Variants in NAA15 observed in about 807,000 individuals in gnomAD.
The protein encoded by NAA15 is N-terminal acetyltransferase.
NAA15 carries 34 observed loss-of-function variants against 114.0 expected under a neutral mutation model. The observed-to-expected ratio is 0.30, with a 90% confidence interval of 0.23 to 0.40. The LOEUF (loss-of-function observed/expected upper bound fraction) is 0.40, where lower values mean the gene tolerates loss of function less well. Ranked by LOEUF, NAA15 falls within the 10% of genes least tolerant of loss-of-function variation. NAA15 has a pLI of 1.00. For missense variants in NAA15, 658 were observed against 1,004.5 expected (o/e 0.66, Z 4.66); for synonymous variants, 340 against 338.0 (o/e 1.01, Z -0.06).
chr4:139,340,898 A>G lies in NAA15; in HGVS notation c.245-14A>G, dbSNP rs772529563. 1 of 1,532,544 alleles carries G rather than the reference A, an allele frequency of 6.5e-7. No homozygotes were observed. The allele number at this position is 1,532,544 out of a possible 1,614,324, so 94.9% of individuals were successfully genotyped here. A position where few individuals can be genotyped will look rare whatever the true frequency, so the allele number is the denominator to read the frequency against. On this transcript the variant is annotated splice_polypyrimidine_tract_variant and intron_variant, in intron 3 of 19. Coordinates refer to ENST00000296543, the MANE Select transcript of NAA15 (RefSeq NM_057175.5). ...TTTTGACTTGTAGGTTGTACCCTTAACTAAATTCTTTAGGTTGGCACGTTT... is the reference window on the plus strand; with the variant it reads ...TTTTGACTTGTAGGTTGTACCCTTAGCTAAATTCTTTAGGTTGGCACGTTT...
rs1374739103 is a variant in NAA15 at position 139,384,938 on chromosome 4, T to C, written c.2262T>C (p.Phe754=). The C allele has an allele frequency of 6.4e-7, 1 of 1,570,932 alleles. No homozygotes were observed. The highest frequency in any genetic ancestry group is 2.3e-5 in the East Asian group (1 of 43,128). ...ATNPKNFNET[F]LKRNSDSLPH... is the part of the protein sequence containing the mutation. Reference sequence around the variant, plus strand: ...ATCCAAAGAATTTTAATGAAACTTTTCTGAAAAGGAATTCTGATTCATTGC... The same window carrying C: ...ATCCAAAGAATTTTAATGAAACTTTCCTGAAAAGGAATTCTGATTCATTGC... Residue 754 remains phenylalanine (F), a synonymous_variant, in exon 18 of 20, where the codon TTT becomes TTC. Transcript: ENST00000296543.
chr4:139,371,069 A>G (rs1430227117), intron 15 of NAA15, among the ~76,000 whole-genome samples: 4 of 152,204 alleles, frequency 2.6e-5, no homozygotes, highest in Admixed American at 2.6e-4. Context: ...GACCCTAGAC[A>G]TCTTCCTGCT....
intron 19 of NAA15, among the ~76,000 whole-genome samples, chr4:139,387,311 A>G (rs919650352): frequency 3.3e-5 from 5 of 152,248 alleles, no homozygotes; most frequent in Admixed American, 6.5e-5. Flanking sequence ...TTTGGTTGAA[A>G]GAATTACTCA....
intron 16 of NAA15, 112 bp from the exon 17 acceptor site, chr4:139,378,644 G>A (rs1434422230): frequency 2.1e-6 from 1 of 483,192 alleles, no homozygotes; most frequent in Non-Finnish European, 3.5e-6. Context: ...GTATGTTTGT[G>A]GTTCTGATGT....
rs138613823 is a variant in NAA15, at chr4:139,323,160, G to A, written c.55-11014G>A. On this transcript the variant is annotated intron_variant, in intron 1 of 19. Transcript: ENST00000296543. ...TCACCTCCAGCTCCTGGGTTCAAGC[G>A]ATTCTCCTGCCTCAGCCTCCTGAGG... Among the ~76,000 whole-genome samples the A allele has an allele frequency of 1.8e-4, 27 of 150,302 alleles. No homozygotes were observed. In the East Asian group the frequency reaches 4.9e-3, roughly 27 times the overall value.
intron 1 of NAA15, among the ~76,000 whole-genome samples, chr4:139,322,336 C>G (rs1219756958): frequency 6.6e-6 from 1 of 152,212 alleles, no homozygotes; most frequent in Non-Finnish European, 1.5e-5. Context: ...GCATGCCTTT[C>G]ACCTTCTGCC....
chr4:139,387,827 T>A (rs1410252699), intron 19 of NAA15, 57 bp from the exon 20 acceptor site: 1 of 1,355,078 alleles, frequency 7.4e-7, no homozygotes, highest in Non-Finnish European at 1.0e-6. Flanking sequence ...GTCTAATAAA[T>A]TCCCAGTAAG....
chr4:139,312,350 C>T (rs1746251701), intron 1 of NAA15, among the ~76,000 whole-genome samples: 1 of 151,808 alleles, frequency 6.6e-6, no homozygotes, highest in Admixed American at 6.6e-5. Flanking sequence ...GGAAATTTCC[C>T]TGAAATGCCA....
In NAA15 at chr4:139,390,812, AG is replaced by A. The variant is rs1263011633; in HGVS notation, c.*2729del. ...CATGGCTAAAGGTAATGCCAATATT[AG>A]TGAATAGCTTTGCTGTGGGCTTTAT... On this transcript the variant is annotated 3_prime_UTR_variant, in exon 20 of 20. Transcript: ENST00000296543. 1 of 152,226 alleles carries A rather than the reference AG, an allele frequency of 6.6e-6. No homozygotes were observed. The highest frequency in any genetic ancestry group is 1.5e-5 in the Non-Finnish European group (1 of 68,024). 9.4% of individuals were successfully genotyped at this position (152,226 alleles called of 1,614,324 possible).
intron 17 of NAA15, among the ~76,000 whole-genome samples, chr4:139,383,518 T>G (rs978291029): frequency 1.3e-5 from 2 of 152,256 alleles, no homozygotes; most frequent in African/African-American, 4.8e-5. Context: ...TCACCCAGGC[T>G]GGAATGCAGT....
In NAA15 at chr4:139,370,439, C is replaced by T. The variant is rs372039708; in HGVS notation, c.1947+35C>T. The T allele has an allele frequency of 6.7e-6, 10 of 1,491,166 alleles. No homozygotes were observed. In the African/African-American group the frequency reaches 1.3e-4, roughly 19 times the overall value. 92.4% of individuals were successfully genotyped at this position (1,491,166 alleles called of 1,614,324 possible). ...AATAGTGTTTAGCACAATTGAGTGA[C>T]ATTTTATGACCAGCTCTTGTCATTT... On this transcript the variant is annotated intron_variant, in intron 15 of 19. Transcript: ENST00000296543.
At chr4:139,341,404 CCTAACACAGTGAAACCCCATCT>C (rs1051575217) in intron 4 of NAA15, among the ~76,000 whole-genome samples, 5 of 150,916 alleles carry the variant, frequency 3.3e-5, no homozygotes, top group African/African-American at 1.2e-4. Context: ...GACCATCCTG[CCTAACACAGTGAAACCCCATCT>C]CTACTAAAAA....
intron 1 of NAA15, among the ~76,000 whole-genome samples, chr4:139,306,583 T>C (rs534371484): frequency 8.5e-5 from 13 of 152,190 alleles, no homozygotes; most frequent in Non-Finnish European, 1.5e-4. Flanking sequence ...GCTGGTTTTT[T>C]TTTTTTTGGT....
chr4:139,355,538 G>A (rs1018516621), intron 10 of NAA15, among the ~76,000 whole-genome samples: 2 of 151,870 alleles, frequency 1.3e-5, no homozygotes, highest in African/African-American at 2.4e-5. Context: ...TAGTATGATA[G>A]CCAGTAGCAC....
At chr4:139,381,008 A>T (rs977050370) in intron 17 of NAA15, among the ~76,000 whole-genome samples, 1 of 152,180 alleles carries the variant, frequency 6.6e-6, no homozygotes, top group Non-Finnish European at 1.5e-5. Flanking sequence ...ACCCTCACAG[A>T]CACCTTTCTG....
Position 139,344,246 on chromosome 4 carries a change from C to G in NAA15, c.598C>G (p.Leu200Val). The G allele has an allele frequency of 6.2e-7, 1 of 1,612,992 alleles. No individual in the cohort carries two copies. The highest frequency in any genetic ancestry group is 8.5e-7 in the Non-Finnish European group (1 of 1,179,298). The change falls in exon 6 of 20, where the codon CTT becomes GTT. Residue 200 changes from leucine (L) to valine (V), a missense_variant. Coordinates refer to ENST00000296543, the MANE Select transcript of NAA15 (RefSeq NM_057175.5). ...ACTACTCTTATATCAGAATCAAGTT[C>G]TTCGGGAAGCAGGTCTCTATAGAGA... ...SELLLYQNQV[L>V]REAGLYREAL... is the part of the protein sequence containing the mutation.
chr4:139,328,174 A>G (rs1327556290), intron 1 of NAA15, among the ~76,000 whole-genome samples: 1 of 151,800 alleles, frequency 6.6e-6, no homozygotes, highest in Non-Finnish European at 1.5e-5. Flanking sequence ...TATCTGGGAA[A>G]GGTTCCATTT....
In NAA15 at chr4:139,301,595, A is replaced by G. The variant is rs1745743597; in HGVS notation, c.-183A>G. The G allele has an allele frequency of 1.5e-6, 1 of 654,030 alleles. No homozygotes were observed. Among genetic ancestry groups the G allele is most frequent in the African/African-American group, 1.9e-5 (1 of 53,980 alleles). 40.5% of individuals were successfully genotyped at this position (654,030 alleles called of 1,614,324 possible). ...CGGCGGCAGCGTTAAGTGAGAAAGG[A>G]AAAAAGACAACGAGGAAAAAGGAGG... is the stretch of plus-strand genomic sequence containing the variant. On this transcript the variant is annotated 5_prime_UTR_variant, in exon 1 of 20. Transcript: ENST00000296543.
chr4:139,378,711 C>G, intron 16 of NAA15, 45 bp from the exon 17 acceptor site: 2 of 1,290,554 alleles, frequency 1.5e-6, no homozygotes, highest in East Asian at 2.6e-5. Context: ...CAAAGGAGGC[C>G]TCTTATCCAA....
Sources: gnomAD v4.1 joint callset for allele counts (sites outside exome capture counted in the v4.1 genomes callset) on GRCh38, gnomAD v4.1.1 for gene constraint, MANE v1.5 for transcripts, NCBI Gene and HGNC (gene_info 2026-07-23, HGNC 2026-07-21) for gene names.